The following SPAG16 variants were observed in gnomAD, a reference collection of about 807,000 sequenced individuals.
The protein encoded by SPAG16 is sperm associated antigen 16.
In SPAG16, 86 loss-of-function variants were observed where a neutral mutation model predicts 80.4. The ratio of observed to expected loss-of-function variants is 1.07; its 90% CI spans 0.90 to 1.28. The LOEUF (loss-of-function observed/expected upper bound fraction) is 1.28. Ranked by LOEUF, SPAG16 falls within the 50% of genes most tolerant of loss-of-function variation. The pLI is 0.00. For synonymous variants in SPAG16, 294 were observed against 265.9 expected (o/e 1.11, Z -1.03); for missense variants, 870 against 765.3 (o/e 1.14, Z -1.61).
chr2:213,951,626 A>G (rs886830712), intron 12 of SPAG16, among the ~76,000 whole-genome samples: 4 of 152,184 alleles, frequency 2.6e-5, no homozygotes, highest in African/African-American at 7.2e-5. Context: ...TCAAGAAAAG[A>G]TTTAAACCAG....
intron 12 of SPAG16, among the ~76,000 whole-genome samples, chr2:214,005,281 A>G (rs547478649): frequency 3.9e-5 from 6 of 152,252 alleles, no homozygotes; most frequent in African/African-American, 1.4e-4. Flanking sequence ...TGAGGACTTG[A>G]AGGCACTCTG....
intron 14 of SPAG16, among the ~76,000 whole-genome samples, chr2:214,137,815 A>AG (rs397715123): frequency 1.3e-5 from 2 of 151,210 alleles, no homozygotes; most frequent in East Asian, 1.9e-4. Context: ...CATGGCAAAA[A>AG]CTGTTAATTT....
At chr2:213,725,339 G>T (rs1013422974) in intron 10 of SPAG16, among the ~76,000 whole-genome samples, 1 of 152,152 alleles carries the variant, frequency 6.6e-6, no homozygotes, top group African/African-American at 2.4e-5. Context: ...TCTGGTCTTT[G>T]TTATTCAATT....
At chr2:213,361,457 G>C (rs1048185046) in intron 7 of SPAG16, among the ~76,000 whole-genome samples, 2 of 150,580 alleles carry the variant, frequency 1.3e-5, no homozygotes, top group Non-Finnish European at 3.0e-5. Flanking sequence ...GGAGAGTCTA[G>C]AAGTAGTGAC....
intron 9 of SPAG16, among the ~76,000 whole-genome samples, chr2:213,462,964 C>G (rs905980990): frequency 6.6e-6 from 1 of 152,106 alleles, no homozygotes; most frequent in Non-Finnish European, 1.5e-5. Context: ...GAAGAAGACA[C>G]AAAGATTTGG....
intron 10 of SPAG16, among the ~76,000 whole-genome samples, chr2:213,619,399 T>A (rs2061699056): frequency 6.6e-6 from 1 of 152,118 alleles, no homozygotes; most frequent in South Asian, 2.1e-4. Flanking sequence ...AGAGAATATT[T>A]GCAAATTATT....
chr2:213,649,597 G>A (rs1185141904), intron 10 of SPAG16, among the ~76,000 whole-genome samples: 1 of 151,930 alleles, frequency 6.6e-6, no homozygotes, highest in Non-Finnish European at 1.5e-5. Flanking sequence ...TTTATTTTGA[G>A]ACAGGATCTC....
intron 6 of SPAG16, among the ~76,000 whole-genome samples, chr2:213,341,248 C>G (rs949801618): frequency 9.2e-5 from 14 of 152,080 alleles, no homozygotes; most frequent in Non-Finnish European, 1.6e-4. Flanking sequence ...AACAAAACTT[C>G]AATGATGCCA....
At chr2:214,281,206 T>A (rs1032862953) in intron 15 of SPAG16, 1 of 328,942 alleles carries the variant, frequency 3.0e-6, no homozygotes. Flanking sequence ...CTTCACGCCA[T>A]ATTTTGGCAG....
At chr2:214,180,413 T>A (rs996265511) in intron 15 of SPAG16, among the ~76,000 whole-genome samples, 1 of 151,694 alleles carries the variant, frequency 6.6e-6, no homozygotes, top group Non-Finnish European at 1.5e-5. Flanking sequence ...GGACAGTTGA[T>A]CATCAAAATA....
At chr2:213,908,405 T>C (rs748782256) in intron 11 of SPAG16, among the ~76,000 whole-genome samples, 2 of 152,214 alleles carry the variant, frequency 1.3e-5, no homozygotes, top group Non-Finnish European at 2.9e-5. Context: ...ATTGCAAAGT[T>C]ATTACAAATA....
At chr2:213,984,683 G>A (rs566173895) in intron 12 of SPAG16, among the ~76,000 whole-genome samples, 57 of 152,168 alleles carry the variant, frequency 3.7e-4, no homozygotes, top group African/African-American at 1.3e-3. Flanking sequence ...GAAGCAAAGG[G>A]TGCAGCAGAG....
chr2:214,007,181 A>G (rs562331335), intron 12 of SPAG16, among the ~76,000 whole-genome samples: 1 of 152,350 alleles, frequency 6.6e-6, no homozygotes, highest in East Asian at 1.9e-4. Flanking sequence ...GCATTTGCCT[A>G]AAAATACTAA....
At chr2:214,201,763 TA>T (rs1227455068) in intron 15 of SPAG16, among the ~76,000 whole-genome samples, 6 of 152,208 alleles carry the variant, frequency 3.9e-5, no homozygotes, top group African/African-American at 1.2e-4. Context: ...TCAAATTAAT[TA>T]ATGAGTATGC....
intron 15 of SPAG16, among the ~76,000 whole-genome samples, chr2:214,287,994 G>A (rs932627481): frequency 5.3e-5 from 8 of 152,092 alleles, no homozygotes; most frequent in Non-Finnish European, 1.2e-4. Flanking sequence ...TCACCCTACT[G>A]TGCTTTTGAA....
chr2:213,439,767 GAT>G (rs1267161926), intron 9 of SPAG16, among the ~76,000 whole-genome samples: 3 of 152,104 alleles, frequency 2.0e-5, no homozygotes, highest in Non-Finnish European at 4.4e-5. Flanking sequence ...AGAAATTGTA[GAT>G]AAACTCAGAA....
intron 5 of SPAG16, among the ~76,000 whole-genome samples, chr2:213,338,793 A>AGAGCTCTCACTC (rs2064518084): frequency 1.3e-5 from 2 of 152,226 alleles, no homozygotes; most frequent in African/African-American, 4.8e-5. Context: ...GTTCTCACTT[A>AGAGCTCTCACTC]TAAGTGGGAG....
rs529671427 is a variant in SPAG16, at chr2:213,342,784, GT to G, written c.644+2524del. 7.2e-4 allele frequency among the ~76,000 whole-genome samples: 108 copies of G among 149,060 alleles called. 1 individual carries two copies. The South Asian group carries it at 0.01, about 14-fold the overall frequency. On this transcript the variant is annotated intron_variant, in intron 6 of 15. Coordinates refer to ENST00000331683, the MANE Select transcript of SPAG16 (RefSeq NM_024532.5). ...ATGACTGGACAAAATACATGAGGCAGTTTTTTTTTTAAGATGGTGGAAAATT... is the reference window on the plus strand; with the variant it reads ...ATGACTGGACAAAATACATGAGGCAGTTTTTTTTTAAGATGGTGGAAAATT...
chr2:213,946,376 G>C (rs1424515871), intron 12 of SPAG16, among the ~76,000 whole-genome samples: 1 of 152,070 alleles, frequency 6.6e-6, no homozygotes, highest in Non-Finnish European at 1.5e-5. Context: ...GCCTCCCAGA[G>C]TGCTGGGATT....
Sources: allele counts gnomAD v4.1 joint callset (sites outside exome capture counted in the v4.1 genomes callset), GRCh38; gene constraint gnomAD v4.1.1; transcripts MANE v1.5; gene names NCBI Gene and HGNC (gene_info 2026-07-23, HGNC 2026-07-21).